Variants in SLC47A1 observed in about 807,000 individuals in gnomAD.
SLC47A1 encodes the protein solute carrier family 47 member 1, also known as multidrug and toxin extrusion protein 1.
In SLC47A1, 58 loss-of-function variants were observed where a neutral mutation model predicts 65.8. The ratio of observed to expected loss-of-function variants is 0.88; its 90% CI spans 0.71 to 1.10. SLC47A1 has a LOEUF of 1.10. Among genes scored for constraint, SLC47A1 ranks in the 50% least tolerant of loss-of-function variants. The pLI is 0.00. For missense variants in SLC47A1, 706 were observed against 719.2 expected, an observed-to-expected ratio of 0.98 and a Z score of 0.21; for synonymous variants, 285 against 295.0, an observed-to-expected ratio of 0.97 and a Z score of 0.35.
At chr17:19,551,288 C>T (rs1417671006) in intron 5 of SLC47A1, 136 bp from the exon 6 acceptor site, 20 of 802,000 alleles carry the variant, frequency 2.5e-5, no homozygotes, top group East Asian at 1.0e-4. Flanking sequence ...TGTCCTGAGA[C>T]GACAGCCTCT....
At chr17:19,541,620 C>T (rs373588808) in intron 1 of SLC47A1, among the ~76,000 whole-genome samples, 24 of 152,102 alleles carry the variant, frequency 1.6e-4, no homozygotes, top group South Asian at 1.2e-3. Context: ...GTCCGGATCC[C>T]GCTGGGACTC....
At position 19,547,987 on chromosome 17, in the gene SLC47A1, G is replaced by A. The variant is rs202097418; in HGVS notation, c.309G>A (p.Thr103=). 4.3e-5 allele frequency: 69 copies of A among 1,611,522 alleles called. 1 individual carries two copies. In the South Asian group the frequency reaches 5.6e-4, roughly 13 times the overall value. The change falls in exon 4 of 17, where the codon ACG becomes ACA. Residue 103 remains threonine, a splice_region_variant and synonymous_variant. Coordinates refer to ENST00000270570, the MANE Select transcript of SLC47A1 (RefSeq NM_018242.3). ...SSACDTLISQ[T]YGSQNLKHVG... The stretch of plus-strand genomic sequence containing the variant: ...CATTTTGGCTGTGTGCACCCCAGAC[G>A]TACGGGAGCCAGAACCTGAAGCACG...
At position 19,566,836 on chromosome 17, in the gene SLC47A1, T is replaced by A; in HGVS notation, c.1153T>A (p.Ser385Thr). Reference protein sequence around the residue: ...VAQVVPIYAVSHLFEALACTS... With the variant: ...VAQVVPIYAVTHLFEALACTS... ...TCAGGTGGTTCCAATTTATGCTGTT[T>A]CCCACCTCTTTGAAGCTCTTGCTGT... Residue 385 changes from serine (S) to threonine (T), a missense_variant, in exon 13 of 17, where the codon TCC becomes ACC. Transcript: ENST00000270570. The A allele has an allele frequency of 1.9e-6, 3 of 1,614,202 alleles. No homozygotes were observed. The highest frequency in any genetic ancestry group is 2.5e-6 in the Non-Finnish European group (3 of 1,180,032).
chr17:19,555,854 C>T lies in SLC47A1; in HGVS notation c.798C>T (p.Ser266=). The change falls in exon 9 of 17, where the codon AGC becomes AGT. Residue 266 remains serine, a synonymous_variant. Transcript: ENST00000270570. ...CCTTCCTCCGCCTGGCCATCCCCAG[C>T]ATGCTCATGCTGTGCATGGAGTGGT... ...WASFLRLAIP[S]MLMLCMEWWA... 6.2e-7 allele frequency: 1 copy of T among 1,613,898 alleles called. No homozygotes were observed. The highest frequency in any genetic ancestry group is 8.5e-7 in the Non-Finnish European group (1 of 1,180,020).
At chr17:19,565,666 T>C (rs897022429) in intron 12 of SLC47A1, among the ~76,000 whole-genome samples, 3 of 149,562 alleles carry the variant, frequency 2.0e-5, no homozygotes, top group Non-Finnish European at 4.4e-5. Flanking sequence ...CTGCGAGCTC[T>C]GCCTCCCAGG....
intron 12 of SLC47A1, among the ~76,000 whole-genome samples, chr17:19,562,155 G>A (rs1323319062): frequency 6.6e-6 from 1 of 152,226 alleles, no homozygotes; most frequent in Non-Finnish European, 1.5e-5. Context: ...CCTGGATTCA[G>A]AAAGCTGGTG....
intron 10 of SLC47A1, chr17:19,557,389 G>T: frequency 1.1e-5 from 2 of 185,978 alleles, no homozygotes; most frequent in South Asian, 1.9e-4. Context: ...AAGTCAAAAT[G>T]CTTAATGGTA....
chr17:19,550,606 C>G (rs770395149), intron 5 of SLC47A1, among the ~76,000 whole-genome samples: 2 of 152,202 alleles, frequency 1.3e-5, no homozygotes, highest in Non-Finnish European at 2.9e-5. Flanking sequence ...TGAGCCACCA[C>G]ACCTGGCCTG....
chr17:19,543,412 C>T (rs1309335535), intron 2 of SLC47A1, among the ~76,000 whole-genome samples: 4 of 152,050 alleles, frequency 2.6e-5, no homozygotes, highest in Admixed American at 2.6e-4. Flanking sequence ...GCCCGGCCTA[C>T]ATCATCTTAT....
In SLC47A1 at chr17:19,560,204, G is replaced by C. The variant is rs762007854; in HGVS notation, c.938G>C (p.Ser313Thr). Residue 313 changes from serine (S) to threonine (T), a missense_variant, in exon 11 of 17, where the codon AGT (serine) becomes ACT (threonine). By Grantham distance (58) the Ser-to-Thr change is moderately conservative. Coordinates refer to ENST00000270570, the MANE Select transcript of SLC47A1 (RefSeq NM_018242.3). ...IIVYMVPAGFSVAASVRVGNA... is the reference protein window; with the variant it reads ...IIVYMVPAGFTVAASVRVGNA... ...TTATTTTAGGTCCCTGCAGGCTTCA[G>C]TGTGGCTGCCAGTGTCCGGGTAGGA... 3.1e-6 allele frequency: 5 copies of C among 1,612,566 alleles called. No homozygotes were observed. In the South Asian group the frequency reaches 4.4e-5, roughly 14 times the overall value.
intron 12 of SLC47A1, 30 bp downstream of exon 12, chr17:19,560,523 A>G: frequency 1.2e-6 from 2 of 1,605,078 alleles, no homozygotes; most frequent in Non-Finnish European, 1.7e-6. Flanking sequence ...TGAAATGTGA[A>G]ATCTGTGATA....
rs2084412014 is a variant in SLC47A1 at position 19,572,968 on chromosome 17, G to A, written c.1486+107G>A. The A allele has an allele frequency of 1.8e-5, 16 of 878,048 alleles. No individual in the cohort carries two copies. The South Asian group carries it at 2.4e-4, about 13-fold the overall frequency. 54.4% of individuals were successfully genotyped at this position (878,048 alleles called of 1,614,324 possible). A position where few individuals can be genotyped will look rare whatever the true frequency, so the allele number is the denominator to read the frequency against. On this transcript the variant is annotated intron_variant, in intron 16 of 16. Transcript: ENST00000270570. ...GCTGCTATGAGCTCTCATTTAAATA[G>A]GGCAATAATGTTTCAGAAACACATG...
At chr17:19,545,453 A>G (rs371476547) in intron 2 of SLC47A1, among the ~76,000 whole-genome samples, 1 of 151,742 alleles carries the variant, frequency 6.6e-6, no homozygotes, top group East Asian at 1.9e-4. Context: ...CGGCCTCCCA[A>G]AGTGCTGGGA....
intron 5 of SLC47A1, among the ~76,000 whole-genome samples, chr17:19,550,005 C>T (rs962661721): frequency 6.6e-6 from 1 of 152,178 alleles, no homozygotes; most frequent in African/African-American, 2.4e-5. Flanking sequence ...TCACTTAGAA[C>T]CTTTAGACTT....
In SLC47A1 at chr17:19,560,204, G is replaced by T. The variant is rs762007854; in HGVS notation, c.938G>T (p.Ser313Ile). ...IIVYMVPAGF[S>I]VAASVRVGNA... ...TTATTTTAGGTCCCTGCAGGCTTCA[G>T]TGTGGCTGCCAGTGTCCGGGTAGGA... The change falls in exon 11 of 17, where the codon AGT becomes ATT. Residue 313 changes from serine to isoleucine, a missense_variant. By Grantham distance (142) the Ser-to-Ile change is moderately radical. Coordinates refer to ENST00000270570, the MANE Select transcript of SLC47A1 (RefSeq NM_018242.3). The T allele has an allele frequency of 9.3e-6, 15 of 1,612,566 alleles. No individual in the cohort carries two copies. Among genetic ancestry groups the T allele is most frequent in the African/African-American group, 1.3e-5 (1 of 74,862 alleles).
At chr17:19,563,293 C>T (rs917325647) in intron 12 of SLC47A1, among the ~76,000 whole-genome samples, 1 of 151,792 alleles carries the variant, frequency 6.6e-6, no homozygotes, top group South Asian at 2.1e-4. Context: ...CCACCACGCT[C>T]GGCTAATTTT....
chr17:19,559,980 A>G, intron 10 of SLC47A1: 1 of 541,896 alleles, frequency 1.8e-6, no homozygotes, highest in South Asian at 2.2e-5. Flanking sequence ...AGCAAAGCCC[A>G]GTTTGTGCTA....
At chr17:19,563,570 C>T (rs999360496) in intron 12 of SLC47A1, among the ~76,000 whole-genome samples, 2 of 152,122 alleles carry the variant, frequency 1.3e-5, no homozygotes, top group Non-Finnish European at 2.9e-5. Context: ...GAAAACTTTG[C>T]ATTCTGTTTA....
intron 12 of SLC47A1, among the ~76,000 whole-genome samples, chr17:19,562,450 A>G (rs1228214152): frequency 1.3e-5 from 2 of 152,050 alleles, no homozygotes; most frequent in Non-Finnish European, 2.9e-5. Flanking sequence ...CTGCAATCCC[A>G]GCTACTCAGG....
Sources: allele counts gnomAD v4.1 joint callset (sites outside exome capture counted in the v4.1 genomes callset), GRCh38; gene constraint gnomAD v4.1.1; transcripts MANE v1.5; gene names NCBI Gene and HGNC (gene_info 2026-07-23, HGNC 2026-07-21).